Variants in COX10 observed in about 807,000 individuals in gnomAD.
COX10 encodes the protein protoheme IX farnesyltransferase, mitochondrial.
Under a neutral mutation model 37.3 loss-of-function variants are expected in COX10, and 27 were observed. That is an observed-to-expected ratio of 0.72 (90% CI 0.53 to 1.00). The LOEUF (loss-of-function observed/expected upper bound fraction) is 1.00. COX10 is among the 50% of genes least tolerant of loss of function. The pLI, the probability that COX10 is intolerant of heterozygous loss-of-function variation, is 0.00. For synonymous variants in COX10, 222 were observed against 229.1 expected (o/e 0.97, Z 0.28); for missense variants, 475 against 563.2 (o/e 0.84, Z 1.59).
intron 4 of COX10, among the ~76,000 whole-genome samples, chr17:14,150,201 A>G (rs904712665): frequency 6.6e-6 from 1 of 152,030 alleles, no homozygotes; most frequent in African/African-American, 2.4e-5. Flanking sequence ...TGAGCCCAGG[A>G]TGCAGAGGTT....
intron 4 of COX10, among the ~76,000 whole-genome samples, chr17:14,131,002 C>T (rs1057079885): frequency 3.3e-5 from 5 of 152,080 alleles, no homozygotes; most frequent in African/African-American, 1.2e-4. Flanking sequence ...GATAAGGCAC[C>T]TAGTTCACCA....
At chr17:14,163,365 C>G (rs1299760069) in intron 5 of COX10, among the ~76,000 whole-genome samples, 2 of 151,988 alleles carry the variant, frequency 1.3e-5, no homozygotes, top group African/African-American at 4.8e-5. Context: ...AGCGATTCTC[C>G]TCCCTCAGCC....
chr17:14,122,200 G>T (rs1036212611), intron 4 of COX10, among the ~76,000 whole-genome samples: 2 of 151,766 alleles, frequency 1.3e-5, no homozygotes, highest in Non-Finnish European at 2.9e-5. Flanking sequence ...GGATTTGGGG[G>T]AAAAAAGGGC....
chr17:14,096,730 T>C (rs1915663087), intron 3 of COX10, among the ~76,000 whole-genome samples: 1 of 152,152 alleles, frequency 6.6e-6, no homozygotes, highest in Admixed American at 6.6e-5. Flanking sequence ...TAGTGGGAAC[T>C]TATTCCTGGA....
chr17:14,156,828 A>G (rs1435169450), intron 4 of COX10, among the ~76,000 whole-genome samples: 1 of 151,762 alleles, frequency 6.6e-6, no homozygotes, highest in Non-Finnish European at 1.5e-5. Context: ...CCTTTGCACA[A>G]CTCTGTCCTT....
At chr17:14,162,407 A>G (rs1195634275) in intron 5 of COX10, among the ~76,000 whole-genome samples, 2 of 152,210 alleles carry the variant, frequency 1.3e-5, no homozygotes, top group Non-Finnish European at 2.9e-5. Flanking sequence ...AATAAAAGGA[A>G]TTCAACAAGC....
intron 4 of COX10, among the ~76,000 whole-genome samples, chr17:14,114,091 G>A (rs1411712677): frequency 6.6e-6 from 1 of 152,046 alleles, no homozygotes; most frequent in Non-Finnish European, 1.5e-5. Flanking sequence ...TACTTTTTGT[G>A]TCATTCCATA....
chr17:14,201,468 C>G (rs1279596817), intron 6 of COX10, among the ~76,000 whole-genome samples: 1 of 152,152 alleles, frequency 6.6e-6, no homozygotes, highest in African/African-American at 2.4e-5. Flanking sequence ...GCATGCTACT[C>G]TCAGGAAAAT....
chr17:14,116,460 G>A, intron 4 of COX10, among the ~76,000 whole-genome samples: 1 of 152,036 alleles, frequency 6.6e-6, no homozygotes. Flanking sequence ...GACTTACGCA[G>A]GACACCACAA....
intron 3 of COX10, among the ~76,000 whole-genome samples, chr17:14,079,849 T>C (rs1048686700): frequency 3.3e-3 from 88 of 26,998 alleles, no homozygotes; most frequent in Non-Finnish European, 5.3e-3. Context: ...ATTTTATATA[T>C]ATATATATAT....
chr17:14,111,266 T>C (rs1916002015), intron 4 of COX10, among the ~76,000 whole-genome samples: 1 of 152,144 alleles, frequency 6.6e-6, no homozygotes, highest in Non-Finnish European at 1.5e-5. Flanking sequence ...GGAAATTACT[T>C]ACCTGTGTGA....
At chr17:14,198,712 C>T (rs930558475) in intron 6 of COX10, among the ~76,000 whole-genome samples, 5 of 152,166 alleles carry the variant, frequency 3.3e-5, no homozygotes, top group African/African-American at 1.2e-4. Flanking sequence ...ACTTTATTTA[C>T]CTCCCTTATT....
rs187199650 is a variant in COX10, at chr17:14,162,777, T to C, written c.695+2830T>C. On this transcript the variant is annotated intron_variant, in intron 5 of 6. Transcript: ENST00000261643. Reference sequence around the variant, plus strand: ...ATTTGGAGGACTTTGCAAAAGAAAATGGATTGTAATCGAATCCTCAAACAC... The same window carrying C: ...ATTTGGAGGACTTTGCAAAAGAAAACGGATTGTAATCGAATCCTCAAACAC... Among the ~76,000 whole-genome samples, 32 of 152,318 alleles carry C rather than the reference T, an allele frequency of 2.1e-4. No homozygotes were observed. The East Asian group carries it at 5.8e-3, about 28-fold the overall frequency.
intron 4 of COX10, among the ~76,000 whole-genome samples, chr17:14,115,749 T>C (rs981155750): frequency 3.9e-5 from 6 of 152,200 alleles, no homozygotes; most frequent in Non-Finnish European, 8.8e-5. Context: ...GAGTTCATTA[T>C]ATTAAGTAAA....
intron 4 of COX10, among the ~76,000 whole-genome samples, chr17:14,134,783 T>G (rs1322023610): frequency 6.6e-6 from 1 of 151,618 alleles, no homozygotes; most frequent in Non-Finnish European, 1.5e-5. Context: ...GGTGTTTTTT[T>G]TTTTTTAAGT....
At chr17:14,116,262 C>T (rs7221616) in intron 4 of COX10, among the ~76,000 whole-genome samples, 149,977 of 152,194 alleles carry the variant, frequency 0.99, 73,928 homozygotes, top group East Asian at 1. Flanking sequence ...AAATATTAAA[C>T]GGAAAATTCA....
chr17:14,152,410 G>C (rs959564532), intron 4 of COX10, among the ~76,000 whole-genome samples: 1 of 152,188 alleles, frequency 6.6e-6, no homozygotes, highest in Non-Finnish European at 1.5e-5. Flanking sequence ...TACAAGAACA[G>C]TATGGGGGAA....
chr17:14,117,603 A>G (rs1318510528), intron 4 of COX10, among the ~76,000 whole-genome samples: 1 of 152,124 alleles, frequency 6.6e-6, no homozygotes, highest in Admixed American at 6.6e-5. Context: ...TGCTGCTCAA[A>G]CCCGGAGGGG....
intron 4 of COX10, among the ~76,000 whole-genome samples, chr17:14,135,973 T>C (rs1439867620): frequency 1.3e-5 from 2 of 152,000 alleles, no homozygotes; most frequent in Non-Finnish European, 2.9e-5. Flanking sequence ...ATTTTCCTTT[T>C]AAATAATGAC....
Sources: gnomAD v4.1 joint callset for allele counts (sites outside exome capture counted in the v4.1 genomes callset) on GRCh38, gnomAD v4.1.1 for gene constraint, MANE v1.5 for transcripts, NCBI Gene and HGNC (gene_info 2026-07-23, HGNC 2026-07-21) for gene names.